Variants in FBXL17 observed in about 807,000 individuals in gnomAD.
FBXL17 encodes F-box/LRR-repeat protein 17.
A neutral mutation model predicts 66.2 loss-of-function variants in FBXL17; 22 were observed. The ratio of observed to expected loss-of-function variants is 0.33; its 90% CI spans 0.24 to 0.47. The LOEUF (loss-of-function observed/expected upper bound fraction) is 0.47. Ranked by LOEUF, FBXL17 falls within the 20% of genes least tolerant of loss-of-function variation. FBXL17 has a pLI of 1.00. For synonymous variants in FBXL17, 474 were observed against 400.5 expected (o/e 1.18, Z -2.19); for missense variants, 878 against 948.2 (o/e 0.93, Z 0.97).
rs1009928937 is a variant in FBXL17 at position 107,967,033 on chromosome 5, C to T, written c.1822+53892G>A. Among the ~76,000 whole-genome samples, 6 of 152,084 alleles carry T rather than the reference C, an allele frequency of 3.9e-5. No homozygotes were observed. In the East Asian group the frequency reaches 7.7e-4, roughly 20 times the overall value. ...GCCTGGAATGATTAAGTAACTTGATCTGGCTATCAATGTGAATCAGTGGCA... is the reference window on the plus strand; with the variant it reads ...GCCTGGAATGATTAAGTAACTTGATTTGGCTATCAATGTGAATCAGTGGCA... On this transcript the variant is annotated intron_variant, in intron 7 of 8. Transcript: ENST00000542267.
intron 1 of FBXL17, among the ~76,000 whole-genome samples, chr5:108,373,748 T>G (rs1022445880): frequency 6.6e-6 from 1 of 151,704 alleles, no homozygotes; most frequent in South Asian, 2.1e-4. Context: ...AGACCCTGTC[T>G]CCACAAAAAA....
chr5:108,220,900 G>C (rs540237797), intron 5 of FBXL17, among the ~76,000 whole-genome samples: 3 of 152,296 alleles, frequency 2.0e-5, no homozygotes, highest in South Asian at 2.1e-4. Flanking sequence ...TGTTAGAGTA[G>C]ACCCAATTCT....
rs569954829 is a variant in FBXL17 at position 108,142,788 on chromosome 5, A to G, written c.1745+43329T>C. Among the ~76,000 whole-genome samples the G allele has an allele frequency of 7.2e-5, 11 of 152,166 alleles. No homozygotes were observed. In the East Asian group the frequency reaches 1.9e-3, roughly 27 times the overall value. ...GGTAAGCAGTGGGCAACCAAGTATT[A>G]TGACCTGAGCTAAGCCTCCCGTCAG... On this transcript the variant is annotated intron_variant, in intron 6 of 8. Transcript: ENST00000542267.
intron 4 of FBXL17, among the ~76,000 whole-genome samples, chr5:108,267,065 C>T (rs73781308): frequency 0.05 from 7,532 of 151,926 alleles, 623 homozygotes; most frequent in African/African-American, 0.17. Flanking sequence ...ATGCTTTTTA[C>T]TATTAAAGGT....
chr5:108,143,368 C>CACAT (rs1158532274), intron 6 of FBXL17, among the ~76,000 whole-genome samples: 1 of 151,908 alleles, frequency 6.6e-6, no homozygotes, highest in Non-Finnish European at 1.5e-5. Flanking sequence ...CACACACACA[C>CACAT]ACACACATAT....
At chr5:107,875,363 A>G (rs1201867434) in intron 8 of FBXL17, among the ~76,000 whole-genome samples, 4 of 152,196 alleles carry the variant, frequency 2.6e-5, no homozygotes, top group African/African-American at 4.8e-5. Context: ...TTTTCCCCAT[A>G]GGGCTTTCCT....
At chr5:108,307,471 T>C (rs1758902341) in intron 4 of FBXL17, among the ~76,000 whole-genome samples, 1 of 151,984 alleles carries the variant, frequency 6.6e-6, no homozygotes, top group Non-Finnish European at 1.5e-5. Context: ...CATAGCCACC[T>C]AATTTTTTAA....
At position 108,026,231 on chromosome 5, in the gene FBXL17, T is replaced by C. The variant is rs192851323; in HGVS notation, c.1746-5230A>G. ...ATTTCATTTATGAGTCTTATATTTA[T>C]AGTTACTTTTTCTAAGTAATAGGAC... On this transcript the variant is annotated intron_variant, in intron 6 of 8. Coordinates refer to ENST00000542267, the MANE Select transcript of FBXL17 (RefSeq NM_001163315.3). 3.1e-3 allele frequency among the ~76,000 whole-genome samples: 467 copies of C among 152,280 alleles called. 6 individuals carry two copies. Among genetic ancestry groups the C allele is most frequent in the Non-Finnish European group, 4.8e-3 (329 of 68,004 alleles).
At chr5:108,270,922 T>TC (rs1757241298) in intron 4 of FBXL17, among the ~76,000 whole-genome samples, 1 of 151,972 alleles carries the variant, frequency 6.6e-6, no homozygotes, top group African/African-American at 2.4e-5. Flanking sequence ...CCTCCAAAAG[T>TC]CCATTTATTC....
chr5:107,949,690 T>C (rs1304058424), intron 7 of FBXL17, among the ~76,000 whole-genome samples: 1 of 152,172 alleles, frequency 6.6e-6, no homozygotes, highest in African/African-American at 2.4e-5. Context: ...AAGCACAGAC[T>C]AGATAAGAGC....
At chr5:108,079,516 C>G (rs1748684088) in intron 6 of FBXL17, among the ~76,000 whole-genome samples, 2 of 152,178 alleles carry the variant, frequency 1.3e-5, no homozygotes, top group East Asian at 3.9e-4. Flanking sequence ...CTGTTAAAGA[C>G]AAAACATACT....
At chr5:108,215,660 C>A (rs546784125) in intron 5 of FBXL17, among the ~76,000 whole-genome samples, 1 of 152,214 alleles carries the variant, frequency 6.6e-6, no homozygotes, top group East Asian at 1.9e-4. Flanking sequence ...CTGTCGATTG[C>A]CTCTTCAATT....
At chr5:107,952,624 T>C (rs1253196530) in intron 7 of FBXL17, among the ~76,000 whole-genome samples, 2 of 152,210 alleles carry the variant, frequency 1.3e-5, no homozygotes, top group African/African-American at 4.8e-5. Flanking sequence ...GATAACCCAA[T>C]GACGTTTTCA....
At chr5:108,108,940 C>T (rs568623606) in intron 6 of FBXL17, among the ~76,000 whole-genome samples, 159 of 152,034 alleles carry the variant, frequency 1.0e-3, no homozygotes, top group Non-Finnish European at 1.6e-3. Flanking sequence ...TGCACCATCA[C>T]GCCCAGCTAA....
chr5:108,237,591 T>G (rs190176452), intron 4 of FBXL17, among the ~76,000 whole-genome samples: 1 of 152,128 alleles, frequency 6.6e-6, no homozygotes, highest in African/African-American at 2.4e-5. Context: ...TTCCAACAGA[T>G]TGCAGGTCCA....
At chr5:108,251,151 A>T (rs1264315017) in intron 4 of FBXL17, among the ~76,000 whole-genome samples, 1 of 152,082 alleles carries the variant, frequency 6.6e-6, no homozygotes, top group Admixed American at 6.6e-5. Context: ...TTTAATTATG[A>T]GAGATTTATT....
intron 7 of FBXL17, among the ~76,000 whole-genome samples, chr5:107,945,482 G>A (rs1383027162): frequency 6.6e-6 from 1 of 152,056 alleles, no homozygotes; most frequent in Admixed American, 6.6e-5. Context: ...ATGTGAGAAT[G>A]GAAAATTAAG....
At chr5:108,163,399 C>CTTT (rs764052812) in intron 6 of FBXL17, among the ~76,000 whole-genome samples, 1,879 of 129,394 alleles carry the variant, frequency 0.015, 64 homozygotes, top group African/African-American at 0.038. Context: ...TTTTTTTTTT[C>CTTT]TTTTTTTTTT....
chr5:108,344,933 G>A (rs1475194829), intron 4 of FBXL17, among the ~76,000 whole-genome samples: 2 of 152,078 alleles, frequency 1.3e-5, no homozygotes, highest in Non-Finnish European at 2.9e-5. Flanking sequence ...GTGTATAGTC[G>A]ACACAAGAGT....
Sources: gnomAD v4.1 joint callset for allele counts (sites outside exome capture counted in the v4.1 genomes callset) on GRCh38, gnomAD v4.1.1 for gene constraint, MANE v1.5 for transcripts, NCBI Gene and HGNC (gene_info 2026-07-23, HGNC 2026-07-21) for gene names.